Variants in WDPCP observed in about 807,000 individuals in gnomAD.
WDPCP encodes WD repeat-containing and planar cell polarity effector protein fritz homolog.
A neutral mutation model predicts 93.1 loss-of-function variants in WDPCP; 71 were observed. That is an observed-to-expected ratio of 0.76 (90% CI 0.63 to 0.93). The LOEUF is 0.93. Ranked by LOEUF, WDPCP falls within the 40% of genes least tolerant of loss-of-function variation. The probability of loss-of-function intolerance (pLI) is 0.00; values close to 1 mark genes in which losing one functional copy is unlikely to be tolerated. For synonymous variants in WDPCP, 315 were observed against 315.0 expected (o/e 1.00, Z 0.00); for missense variants, 844 against 887.4 (o/e 0.95, Z 0.62).
At chr2:63,397,802 G>A (rs1203342160) in intron 10 of WDPCP, among the ~76,000 whole-genome samples, 1 of 152,150 alleles carries the variant, frequency 6.6e-6, no homozygotes, top group African/African-American at 2.4e-5. Flanking sequence ...AGTGTTCTGA[G>A]GAGTGAGAAG....
intron 13 of WDPCP, 61 bp downstream of exon 13, chr2:63,313,187 C>T: frequency 6.6e-7 from 1 of 1,507,788 alleles, no homozygotes; most frequent in Non-Finnish European, 9.2e-7. Context: ...TTTATGGTCA[C>T]AAAAGCTGAC....
chr2:63,564,297 C>T (rs1307816082), intron 1 of WDPCP: 8 of 152,200 alleles, frequency 5.3e-5, no homozygotes, highest in Admixed American at 4.6e-4. Context: ...AGGTATGCTT[C>T]GGAATTTCAC....
upstream of WDPCP, among the ~76,000 whole-genome samples, chr2:63,828,090 A>C (rs1481147616): frequency 6.6e-6 from 1 of 152,124 alleles, no homozygotes; most frequent in Non-Finnish European, 1.5e-5. Flanking sequence ...CATTTATGTA[A>C]CAATTGAGAA....
In WDPCP at chr2:63,365,285, A is replaced by G. The variant is rs116181679; in HGVS notation, c.1748+13101T>C. 1.8e-3 allele frequency among the ~76,000 whole-genome samples: 279 copies of G among 152,310 alleles called. 1 individual carries two copies. Among genetic ancestry groups the G allele is most frequent in the African/African-American group, 6.3e-3 (260 of 41,576 alleles). ...AGGATTCTAACCAGTGCTATGCTCT[A>G]CTAAAGGGATTCAGAAGACTATTCT... On this transcript the variant is annotated intron_variant, in intron 12 of 17. Coordinates refer to ENST00000272321, the MANE Select transcript of WDPCP (RefSeq NM_015910.7).
intron 13 of WDPCP, among the ~76,000 whole-genome samples, chr2:63,268,925 T>C (rs1248156939): frequency 6.6e-6 from 1 of 152,122 alleles, no homozygotes; most frequent in East Asian, 1.9e-4. Context: ...ACACATCACA[T>C]TGTACCCCAT....
chr2:63,606,682 G>T (rs1320456423), intron 3 of WDPCP, among the ~76,000 whole-genome samples: 1 of 151,614 alleles, frequency 6.6e-6, no homozygotes, highest in Non-Finnish European at 1.5e-5. Flanking sequence ...GATTCAAGGG[G>T]TTTAAAATTC....
intron 3 of WDPCP, chr2:63,604,848 C>T: frequency 6.2e-7 from 1 of 1,614,156 alleles, no homozygotes; most frequent in Non-Finnish European, 8.5e-7. Flanking sequence ...AAGATGACAG[C>T]TGGCTCAAGG....
chr2:63,433,684 A>C, intron 9 of WDPCP, 61 bp downstream of exon 9: 1 of 1,401,064 alleles, frequency 7.1e-7, no homozygotes, highest in Non-Finnish European at 9.7e-7. Flanking sequence ...CAGAATAGAA[A>C]ATCTAATAAT....
chr2:63,360,455 A>G (rs1424084707), intron 12 of WDPCP, among the ~76,000 whole-genome samples: 1 of 152,162 alleles, frequency 6.6e-6, no homozygotes, highest in African/African-American at 2.4e-5. Flanking sequence ...ATTTTCCCAA[A>G]TGAAAAAATT....
Position 63,588,388 on chromosome 2 carries a change from C to G in WDPCP, c.-117G>C. On this transcript the variant is annotated 5_prime_UTR_variant, in exon 1 of 18. Coordinates refer to ENST00000272321, the MANE Select transcript of WDPCP (RefSeq NM_015910.7). ...GACGCCGCCGCCGCCGCCACAGTTTCCTCAGGTGCTACAAAGCAGCCAGGG... is the reference window on the plus strand; with the variant it reads ...GACGCCGCCGCCGCCGCCACAGTTTGCTCAGGTGCTACAAAGCAGCCAGGG... The G allele has an allele frequency of 8.2e-7, 1 of 1,219,174 alleles. No homozygotes were observed. Among genetic ancestry groups the G allele is most frequent in the Non-Finnish European group, 1.2e-6 (1 of 844,186 alleles). 75.5% of individuals were successfully genotyped at this position (1,219,174 alleles called of 1,614,324 possible).
chr2:63,607,485 A>G (rs262474), intron 3 of WDPCP, among the ~76,000 whole-genome samples: 122,031 of 151,654 alleles, frequency 0.8, 49,766 homozygotes, highest in East Asian at 0.98. Flanking sequence ...GCAGTGAGCC[A>G]AGATTGCGCC....
At chr2:63,231,715 T>C (rs1200275803) in intron 14 of WDPCP, among the ~76,000 whole-genome samples, 1 of 152,158 alleles carries the variant, frequency 6.6e-6, no homozygotes, top group African/African-American at 2.4e-5. Flanking sequence ...TCCATGCTCA[T>C]GGATAGGAAG....
chr2:63,826,928 T>C (rs985749193), intron 1 of WDPCP, among the ~76,000 whole-genome samples: 1 of 152,204 alleles, frequency 6.6e-6, no homozygotes, highest in Non-Finnish European at 1.5e-5. Flanking sequence ...CTATAGACCA[T>C]TGTCTTTGTC....
intron 10 of WDPCP, among the ~76,000 whole-genome samples, chr2:63,391,158 C>T (rs546415314): frequency 2.0e-5 from 3 of 152,078 alleles, no homozygotes; most frequent in African/African-American, 7.2e-5. Flanking sequence ...ACTGGCAAAC[C>T]GAATCCAGCA....
chr2:63,339,796 T>C (rs1688706395), intron 12 of WDPCP, among the ~76,000 whole-genome samples: 1 of 152,184 alleles, frequency 6.6e-6, no homozygotes, highest in Non-Finnish European at 1.5e-5. Context: ...GTCTTCAATT[T>C]TTCCCCATTC....
chr2:63,526,199 G>C (rs2106195038), intron 1 of WDPCP, among the ~76,000 whole-genome samples: 1 of 152,210 alleles, frequency 6.6e-6, no homozygotes, highest in South Asian at 2.1e-4. Context: ...ACCAAGTCTT[G>C]AAGTTTTTGA....
chr2:63,724,210 A>G (rs1029492186), intron 2 of WDPCP, among the ~76,000 whole-genome samples: 3 of 152,192 alleles, frequency 2.0e-5, no homozygotes, highest in African/African-American at 4.8e-5. Context: ...ACCCATAAAT[A>G]TATCTACCTT....
intron 1 of WDPCP, among the ~76,000 whole-genome samples, chr2:63,526,860 T>C (rs1374989347): frequency 3.9e-5 from 6 of 152,206 alleles, no homozygotes; most frequent in Admixed American, 6.5e-5. Flanking sequence ...CTTTGCTTAC[T>C]CATCTGAGTA....
upstream of WDPCP, chr2:63,589,116 A>G: frequency 6.2e-7 from 1 of 1,614,030 alleles, no homozygotes; most frequent in Admixed American, 1.7e-5. Flanking sequence ...CTTGCACTTT[A>G]GGGACTTTTG....
Sources: allele counts gnomAD v4.1 joint callset (sites outside exome capture counted in the v4.1 genomes callset), GRCh38; gene constraint gnomAD v4.1.1; transcripts MANE v1.5; gene names NCBI Gene and HGNC (gene_info 2026-07-23, HGNC 2026-07-21).